Variants in PFKP observed in about 807,000 individuals in gnomAD.
The protein encoded by PFKP is phosphofructokinase, platelet.
A neutral mutation model predicts 94.3 loss-of-function variants in PFKP; 101 were observed. That is an observed-to-expected ratio of 1.07 (90% CI 0.91 to 1.26). The LOEUF (loss-of-function observed/expected upper bound fraction) is 1.26. Among genes scored for constraint, PFKP ranks in the 50% most tolerant of loss-of-function variants. The probability of loss-of-function intolerance (pLI) is 0.00; values close to 1 mark genes in which losing one functional copy is unlikely to be tolerated. For synonymous variants in PFKP, 573 were observed against 432.6 expected (o/e 1.32, Z -4.03); for missense variants, 1,145 against 1,103.3 (o/e 1.04, Z -0.53).
intron 4 of PFKP, among the ~76,000 whole-genome samples, chr10:3,101,966 G>A (rs1190471754): frequency 6.6e-6 from 1 of 152,114 alleles, no homozygotes; most frequent in Non-Finnish European, 1.5e-5. Context: ...TAAAACTGAA[G>A]TTGGGCCGGG....
chr10:3,081,802 C>A (rs11251700), intron 1 of PFKP, among the ~76,000 whole-genome samples: 2 of 151,962 alleles, frequency 1.3e-5, no homozygotes, highest in Non-Finnish European at 2.9e-5. Context: ...GTAAACAGAC[C>A]TACATGATGA....
In PFKP at chr10:3,112,917, C is replaced by T. The variant is rs7071398; in HGVS notation, c.1155-202C>T. 7.1e-3 allele frequency among the ~76,000 whole-genome samples: 1,074 copies of T among 152,296 alleles called. 13 individuals are homozygous for T. Among genetic ancestry groups the T allele is most frequent in the African/African-American group, 0.024 (1,017 of 41,568 alleles). On this transcript the variant is annotated intron_variant, in intron 11 of 21. Coordinates refer to ENST00000381125, the MANE Select transcript of PFKP (RefSeq NM_002627.5). ...TAGAAGCGTGCCCTTTTCTCTTAGT[C>T]CATTTCCACCAGACACGGACAGCAC...
intron 1 of PFKP, among the ~76,000 whole-genome samples, chr10:3,079,665 G>GGGGC (rs1764723112): frequency 9.1e-6 from 1 of 109,844 alleles, no homozygotes; most frequent in East Asian, 2.8e-4. Flanking sequence ...AGCGGGGTGG[G>GGGGC]GGGGGGGGGA....
chr10:3,128,853 A>T (rs1459789341), intron 16 of PFKP, among the ~76,000 whole-genome samples: 3 of 152,166 alleles, frequency 2.0e-5, no homozygotes, highest in African/African-American at 7.2e-5. Flanking sequence ...ACTGTGCCGG[A>T]ATGTGATGCA....
intron 13 of PFKP, among the ~76,000 whole-genome samples, chr10:3,115,616 A>C: frequency 6.6e-6 from 1 of 152,158 alleles, no homozygotes; most frequent in African/African-American, 2.4e-5. Flanking sequence ...CCCGTGGCCA[A>C]GAATGTGCAG....
At chr10:3,080,303 G>A (rs1832949850) in intron 1 of PFKP, among the ~76,000 whole-genome samples, 1 of 152,074 alleles carries the variant, frequency 6.6e-6, no homozygotes, top group Non-Finnish European at 1.5e-5. Flanking sequence ...GGATCACAAG[G>A]TCAGGAGATG....
intron 1 of PFKP, among the ~76,000 whole-genome samples, chr10:3,073,444 G>T (rs1445194071): frequency 6.6e-6 from 1 of 151,896 alleles, no homozygotes; most frequent in Non-Finnish European, 1.5e-5. Flanking sequence ...GCCTGCGGAG[G>T]TGTAGATCCT....
At chr10:3,099,385 G>A in intron 3 of PFKP, 33 bp downstream of exon 3, 1 of 1,525,206 alleles carries the variant, frequency 6.6e-7, no homozygotes, top group Non-Finnish European at 9.1e-7. Flanking sequence ...AGGGTTCTCT[G>A]AGTTAGAGAC....
chr10:3,091,624 G>T (rs942727047), intron 2 of PFKP, among the ~76,000 whole-genome samples: 1 of 152,024 alleles, frequency 6.6e-6, no homozygotes, highest in Non-Finnish European at 1.5e-5. Flanking sequence ...AGACCAGCGC[G>T]GCCAACATGA....
At chr10:3,127,762 C>T (rs1838119272) in intron 16 of PFKP, among the ~76,000 whole-genome samples, 1 of 152,178 alleles carries the variant, frequency 6.6e-6, no homozygotes, top group Non-Finnish European at 1.5e-5. Flanking sequence ...CTCTCCCCAT[C>T]TCGGCTTCTA....
intron 11 of PFKP, among the ~76,000 whole-genome samples, chr10:3,112,918 C>T (rs949771389): frequency 3.3e-5 from 5 of 152,210 alleles, no homozygotes; most frequent in Admixed American, 3.3e-4. Flanking sequence ...TCTCTTAGTC[C>T]ATTTCCACCA....
chr10:3,126,850 C>G (rs1838001388), intron 16 of PFKP, among the ~76,000 whole-genome samples: 1 of 152,260 alleles, frequency 6.6e-6, no homozygotes, highest in Non-Finnish European at 1.5e-5. Context: ...AGGATCGCCT[C>G]TGCGTCCTTG....
In PFKP at chr10:3,134,468, TCTAACCACCAACAGGGTGGGGCACC is replaced by T. The variant is rs1293446787; in HGVS notation, c.2023-12_2035del. 2.0e-6 allele frequency: 3 copies of T among 1,492,918 alleles called. No individual in the cohort carries two copies. The highest frequency in any genetic ancestry group is 1.1e-5 in the South Asian group (1 of 88,714). The allele number at this position is 1,492,918 out of a possible 1,614,324, so 92.5% of individuals were successfully genotyped here. A position where few individuals can be genotyped will look rare whatever the true frequency, so the allele number is the denominator to read the frequency against. ...CTGTATAACTGGTATTTCATATAAC[TCTAACCACCAACAGGGTGGGGCACC>T]CTCTCCATTTGATAGAAACTTTGGA... On this transcript the variant is annotated splice_acceptor_variant and splice_polypyrimidine_tract_variant and coding_sequence_variant and intron_variant, in exon 20 of 22. Coordinates refer to ENST00000381125, the MANE Select transcript of PFKP (RefSeq NM_002627.5). LOFTEE classifies it high-confidence loss of function.
intron 1 of PFKP, among the ~76,000 whole-genome samples, chr10:3,068,210 A>T (rs1201695493): frequency 2.6e-5 from 4 of 151,698 alleles, no homozygotes; most frequent in Admixed American, 2.6e-4. Flanking sequence ...CACCCCCTAG[A>T]ATGTCGAGGA....
At chr10:3,106,436 C>T (rs1004954975) in intron 7 of PFKP, among the ~76,000 whole-genome samples, 1 of 146,280 alleles carries the variant, frequency 6.8e-6, no homozygotes, top group Non-Finnish European at 1.5e-5. Flanking sequence ...GTGGGGCGTC[C>T]ACCTGTGTGT....
At chr10:3,102,105 G>C (rs983590235) in intron 4 of PFKP, among the ~76,000 whole-genome samples, 3 of 150,494 alleles carry the variant, frequency 2.0e-5, no homozygotes, top group African/African-American at 7.3e-5. Context: ...CAAAAAATTA[G>C]CCGGGCGTAG....
At chr10:3,096,733 C>T (rs147526350) in intron 2 of PFKP, among the ~76,000 whole-genome samples, 9 of 151,910 alleles carry the variant, frequency 5.9e-5, no homozygotes, top group Non-Finnish European at 1.3e-4. Flanking sequence ...GCTCCCAGAC[C>T]TGAAGAATGG....
At chr10:3,118,526 T>C (rs1220636658) in intron 14 of PFKP, among the ~76,000 whole-genome samples, 2 of 152,238 alleles carry the variant, frequency 1.3e-5, no homozygotes, top group Non-Finnish European at 2.9e-5. Context: ...AATGGGGCAG[T>C]AGAGTTCTTT....
chr10:3,133,382 AT>A, intron 19 of PFKP, 68 bp downstream of exon 19: 1 of 994,828 alleles, frequency 1.0e-6, no homozygotes. Flanking sequence ...TTAGTGTCTT[AT>A]TTTAGCCATT....
Sources: gnomAD v4.1 joint callset for allele counts (sites outside exome capture counted in the v4.1 genomes callset) on GRCh38, gnomAD v4.1.1 for gene constraint, MANE v1.5 for transcripts, NCBI Gene and HGNC (gene_info 2026-07-23, HGNC 2026-07-21) for gene names.